FBXL13: variants seen among roughly 807,000 people sequenced by gnomAD.
The protein encoded by FBXL13 is F-box and leucine rich repeat protein 13.
In FBXL13, 67 loss-of-function variants were observed where a neutral mutation model predicts 83.6. That is an observed-to-expected ratio of 0.80 (90% confidence interval 0.66 to 0.98). The LOEUF is 0.98. FBXL13 is among the 50% of genes least tolerant of loss of function. The pLI is 0.00. For missense variants in FBXL13, 822 were observed against 866.5 expected (o/e 0.95, Z 0.64); for synonymous variants, 272 against 299.5 (o/e 0.91, Z 0.95).
intron 11 of FBXL13, among the ~76,000 whole-genome samples, chr7:102,887,516 A>G (rs1810958442): frequency 6.6e-6 from 1 of 152,170 alleles, no homozygotes; most frequent in South Asian, 2.1e-4. Flanking sequence ...GGAATTGGTC[A>G]TGTGATTGTG....
intron 9 of FBXL13, among the ~76,000 whole-genome samples, chr7:102,931,060 G>A (rs905574919): frequency 4.6e-5 from 7 of 152,168 alleles, no homozygotes; most frequent in African/African-American, 1.7e-4. Context: ...AGTGAACCCA[G>A]CCCTGGGAGC....
At chr7:102,953,769 ATTG>A (rs1823795328) in intron 8 of FBXL13, among the ~76,000 whole-genome samples, 1 of 152,172 alleles carries the variant, frequency 6.6e-6, no homozygotes, top group South Asian at 2.1e-4. Context: ...TTCAACTACC[ATTG>A]CTATCATGAA....
intron 8 of FBXL13, among the ~76,000 whole-genome samples, chr7:102,950,763 C>T (rs1020887281): frequency 1.4e-4 from 21 of 152,256 alleles, no homozygotes; most frequent in Middle Eastern, 6.8e-3. Flanking sequence ...AAAAAGGCTA[C>T]ATACTGTATG....
chr7:102,860,000 G>A (rs11982617), intron 16 of FBXL13, among the ~76,000 whole-genome samples: 20,594 of 152,002 alleles, frequency 0.14, 1,551 homozygotes, highest in East Asian at 0.3. Context: ...AATCTTAGGG[G>A]CCCAGGAGTC....
At chr7:102,826,751 A>G (rs1401696280) in intron 18 of FBXL13, among the ~76,000 whole-genome samples, 2 of 109,834 alleles carry the variant, frequency 1.8e-5, no homozygotes, top group Non-Finnish European at 3.7e-5. Context: ...ATATATATAT[A>G]TATATATATA....
chr7:102,973,871 G>C, intron 6 of FBXL13: 1 of 691,702 alleles, frequency 1.4e-6, no homozygotes, highest in Non-Finnish European at 2.6e-6. Flanking sequence ...AGGCTCCGAC[G>C]TGTGCCAGGT....
intron 16 of FBXL13, among the ~76,000 whole-genome samples, chr7:102,869,966 C>T (rs891756838): frequency 6.6e-6 from 1 of 152,178 alleles, no homozygotes. Flanking sequence ...TGATTAGACT[C>T]TATCAATGAC....
chr7:103,032,020 T>C (rs1001570868), intron 2 of FBXL13, among the ~76,000 whole-genome samples: 6 of 152,266 alleles, frequency 3.9e-5, no homozygotes, highest in Admixed American at 3.9e-4. Context: ...GAATGTTAAG[T>C]CCCAAATTTT....
chr7:102,908,863 T>A (rs1031655481), intron 11 of FBXL13, among the ~76,000 whole-genome samples: 1 of 152,214 alleles, frequency 6.6e-6, no homozygotes, highest in Non-Finnish European at 1.5e-5. Flanking sequence ...ATCACAGCAC[T>A]GGGTCTTGCC....
intron 6 of FBXL13, among the ~76,000 whole-genome samples, chr7:102,995,604 T>C (rs1446235052): frequency 2.0e-5 from 3 of 149,700 alleles, no homozygotes; most frequent in African/African-American, 4.9e-5. Flanking sequence ...CTGGCCAACA[T>C]GGTGAAACAC....
chr7:102,826,763 A>ATATATATATATATG (rs1799777001), intron 18 of FBXL13, among the ~76,000 whole-genome samples: 1 of 115,816 alleles, frequency 8.6e-6, no homozygotes, highest in Non-Finnish European at 1.7e-5. Flanking sequence ...ATATATATAT[A>ATATATATATATATG]TATATATATG....
chr7:102,888,690 T>C (rs548881578), intron 11 of FBXL13, among the ~76,000 whole-genome samples: 37 of 152,206 alleles, frequency 2.4e-4, no homozygotes, highest in Admixed American at 2.4e-3. Flanking sequence ...AGTAGAAGAC[T>C]GGTAAGGCAA....
intron 6 of FBXL13, among the ~76,000 whole-genome samples, chr7:102,969,835 G>A (rs1206996563): frequency 7.5e-6 from 1 of 133,002 alleles, no homozygotes. Flanking sequence ...AGAGGGGAGG[G>A]GAGGGGAGGG....
chr7:103,014,740 A>G lies in FBXL13; in HGVS notation c.495+10323T>C, dbSNP rs13245407. ...AGATCGAGACCATCCTGGCTAACAC[A>G]GTGAAACCCCGTCTCTACTAAAAAT... is the stretch of plus-strand genomic sequence containing the variant. On this transcript the variant is annotated intron_variant, in intron 6 of 19. Coordinates refer to ENST00000313221, the Ensembl canonical transcript of FBXL13. 1.4e-3 allele frequency among the ~76,000 whole-genome samples: 207 copies of G among 151,772 alleles called. 1 individual carries two copies. The highest frequency in any genetic ancestry group is 4.9e-3 in the African/African-American group (202 of 41,424).
chr7:102,958,222 G>T (rs975771545), intron 8 of FBXL13, among the ~76,000 whole-genome samples: 17 of 152,008 alleles, frequency 1.1e-4, no homozygotes, highest in African/African-American at 3.9e-4. Context: ...AAGGATGAGT[G>T]CATGTCCTTT....
At chr7:102,885,640 A>AT (rs1158804666) in intron 11 of FBXL13, among the ~76,000 whole-genome samples, 1 of 151,908 alleles carries the variant, frequency 6.6e-6, no homozygotes, top group East Asian at 1.9e-4. Context: ...CAGTTTATCT[A>AT]TTTTTTCTTT....
intron 11 of FBXL13, among the ~76,000 whole-genome samples, chr7:102,905,912 A>G (rs1813675978): frequency 6.6e-6 from 1 of 152,146 alleles, no homozygotes; most frequent in Non-Finnish European, 1.5e-5. Flanking sequence ...TAAAAATTCT[A>G]TGTGTATTAG....
rs150262631 is a variant in FBXL13 at position 102,990,179 on chromosome 7, G to A, written c.496-22062C>T. Reference sequence around the variant, plus strand: ...GCCTAGCTGTGACTGCCATGACCTAGTAAGAATGTAGGGCAAAGAGAGAGA... The same window carrying A: ...GCCTAGCTGTGACTGCCATGACCTAATAAGAATGTAGGGCAAAGAGAGAGA... On this transcript the variant is annotated intron_variant, in intron 6 of 19. Coordinates refer to ENST00000313221, the Ensembl canonical transcript of FBXL13. 5.3e-5 allele frequency among the ~76,000 whole-genome samples: 8 copies of A among 152,320 alleles called. No individual in the cohort carries two copies. The East Asian group carries it at 1.3e-3, about 26-fold the overall frequency.
At chr7:102,978,374 T>G (rs1563179553) in intron 6 of FBXL13, 1 of 152,242 alleles carries the variant, frequency 6.6e-6, no homozygotes, top group Non-Finnish European at 1.5e-5. Flanking sequence ...AACTCCTCCC[T>G]TCTCAGGCCC....
Sources: allele counts gnomAD v4.1 joint callset (sites outside exome capture counted in the v4.1 genomes callset), GRCh38; gene constraint gnomAD v4.1.1; transcripts MANE v1.5; gene names NCBI Gene and HGNC (gene_info 2026-07-23, HGNC 2026-07-21).